Variants in FSHR observed in about 807,000 individuals in gnomAD.
FSHR encodes follicle-stimulating hormone receptor.
FSHR carries 46 observed loss-of-function variants against 52.1 expected under a neutral mutation model. That is an observed-to-expected ratio of 0.88 (90% CI 0.70 to 1.13). FSHR has a LOEUF of 1.13. FSHR is among the 50% of genes most tolerant of loss of function. The probability of loss-of-function intolerance (pLI) is 0.00; values close to 1 mark genes in which losing one functional copy is unlikely to be tolerated. For synonymous variants in FSHR, 399 were observed against 309.6 expected, an observed-to-expected ratio of 1.29 and a Z score of -3.03; for missense variants, 964 against 834.6, an observed-to-expected ratio of 1.16 and a Z score of -1.91.
chr2:49,090,024 G>A (rs1266389921), intron 1 of FSHR, among the ~76,000 whole-genome samples: 1 of 152,106 alleles, frequency 6.6e-6, no homozygotes, highest in Non-Finnish European at 1.5e-5. Flanking sequence ...TCATGTACAG[G>A]CATTTTCCAG....
intron 1 of FSHR, among the ~76,000 whole-genome samples, chr2:49,095,738 C>T (rs775703145): frequency 6.6e-6 from 1 of 152,056 alleles, no homozygotes; most frequent in Non-Finnish European, 1.5e-5. Context: ...GGTCTTTTAT[C>T]AAGAATATAT....
chr2:49,076,937 G>T (rs1410182361), intron 1 of FSHR, among the ~76,000 whole-genome samples: 1 of 152,132 alleles, frequency 6.6e-6, no homozygotes, highest in Non-Finnish European at 1.5e-5. Context: ...ATGATCTTGG[G>T]CAGCTCTGCC....
At chr2:49,005,321 A>G (rs944030680) in intron 4 of FSHR, among the ~76,000 whole-genome samples, 3 of 152,134 alleles carry the variant, frequency 2.0e-5, no homozygotes, top group African/African-American at 7.2e-5. Flanking sequence ...CTGGAAGGAA[A>G]AGCTGGCCAC....
At chr2:49,021,996 A>T (rs1667742299) in intron 2 of FSHR, among the ~76,000 whole-genome samples, 1 of 149,702 alleles carries the variant, frequency 6.7e-6, no homozygotes, top group Non-Finnish European at 1.5e-5. Flanking sequence ...TCTGAGAGGT[A>T]CAGAATTGAG....
chr2:49,112,078 C>A (rs1252981027), intron 1 of FSHR, among the ~76,000 whole-genome samples: 1 of 152,156 alleles, frequency 6.6e-6, no homozygotes, highest in African/African-American at 2.4e-5. Flanking sequence ...CATGGTGTCA[C>A]TTCTTATGGA....
chr2:48,964,887 T>G (rs557224426), intron 9 of FSHR, among the ~76,000 whole-genome samples: 1 of 151,888 alleles, frequency 6.6e-6, no homozygotes, highest in Admixed American at 6.6e-5. Flanking sequence ...TACCCCAGAG[T>G]AGTATATCAA....
chr2:49,014,523 C>A (rs1667410948), intron 4 of FSHR, among the ~76,000 whole-genome samples: 1 of 152,074 alleles, frequency 6.6e-6, no homozygotes. Flanking sequence ...TTTCCATGCC[C>A]ACATCCTTAC....
At chr2:49,053,867 A>G (rs772279977) in intron 2 of FSHR, among the ~76,000 whole-genome samples, 11 of 152,198 alleles carry the variant, frequency 7.2e-5, no homozygotes, top group Non-Finnish European at 1.5e-4. Flanking sequence ...ATGTTGTTTC[A>G]GATACTGAGA....
chr2:49,154,265 C>T lies in FSHR; in HGVS notation c.152+1G>A. 2 of 1,613,646 alleles carry T rather than the reference C, an allele frequency of 1.2e-6. No homozygotes were observed. Among genetic ancestry groups the T allele is most frequent in the East Asian group, 2.2e-5 (1 of 44,870 alleles). ...TTGTTCCCCCTCCCTCTGATACTCACAGTTCAATGGCATTCCTCGGGAGGT... is the reference window on the plus strand; with the variant it reads ...TTGTTCCCCCTCCCTCTGATACTCATAGTTCAATGGCATTCCTCGGGAGGT... On this transcript the variant is annotated splice_donor_variant, in intron 1 of 9. Coordinates refer to ENST00000406846, the MANE Select transcript of FSHR (RefSeq NM_000145.4). LOFTEE classifies it high-confidence loss of function.
At position 49,143,511 on chromosome 2, in the gene FSHR, T is replaced by C. The variant is rs539678693; in HGVS notation, c.152+10755A>G. On this transcript the variant is annotated intron_variant, in intron 1 of 9. Transcript: ENST00000406846. ...GTGGAACTATGGAGACAGAGCCAGATTGAGTGGGTGAATAATGAATGGGAA... is the reference window on the plus strand; with the variant it reads ...GTGGAACTATGGAGACAGAGCCAGACTGAGTGGGTGAATAATGAATGGGAA... 3.3e-5 allele frequency among the ~76,000 whole-genome samples: 5 copies of C among 152,166 alleles called. No individual in the cohort carries two copies. In the South Asian group the frequency reaches 1.0e-3, roughly 32 times the overall value.
At chr2:48,990,311 C>G (rs1675709958) in intron 5 of FSHR, among the ~76,000 whole-genome samples, 1 of 152,080 alleles carries the variant, frequency 6.6e-6, no homozygotes, top group African/African-American at 2.4e-5. Flanking sequence ...AAAAATGAGC[C>G]ACTTTTTGAT....
intron 1 of FSHR, among the ~76,000 whole-genome samples, chr2:49,152,399 C>CT (rs1673095397): frequency 6.6e-6 from 1 of 152,228 alleles, no homozygotes; most frequent in Non-Finnish European, 1.5e-5. Context: ...CTTAGCATTA[C>CT]TTTTTTTCAA....
intron 2 of FSHR, among the ~76,000 whole-genome samples, chr2:49,063,815 G>A (rs1669404373): frequency 6.6e-6 from 1 of 152,058 alleles, no homozygotes; most frequent in East Asian, 1.9e-4. Context: ...ATATGTAGAA[G>A]AGCAGATTTT....
chr2:49,113,286 C>T (rs1032325242), intron 1 of FSHR, among the ~76,000 whole-genome samples: 1 of 152,212 alleles, frequency 6.6e-6, no homozygotes, highest in Admixed American at 6.5e-5. Context: ...GATTGGAAAT[C>T]TCTGGCAGAT....
At chr2:49,077,351 T>C (rs977533573) in intron 1 of FSHR, among the ~76,000 whole-genome samples, 7 of 152,224 alleles carry the variant, frequency 4.6e-5, no homozygotes, top group Admixed American at 1.3e-4. Context: ...TTGGCTCCTT[T>C]CAGCCACAGC....
At chr2:49,011,636 A>G (rs1373901089) in intron 4 of FSHR, among the ~76,000 whole-genome samples, 1 of 152,090 alleles carries the variant, frequency 6.6e-6, no homozygotes, top group Non-Finnish European at 1.5e-5. Flanking sequence ...AACTCGATGA[A>G]CACAACTCGG....
intron 1 of FSHR, among the ~76,000 whole-genome samples, chr2:49,141,342 G>C (rs1672680789): frequency 6.6e-6 from 1 of 152,088 alleles, no homozygotes; most frequent in Non-Finnish European, 1.5e-5. Flanking sequence ...GGCTCTACAG[G>C]AAGTGTGTGG....
intron 8 of FSHR, among the ~76,000 whole-genome samples, chr2:48,979,300 G>T (rs1160168330): frequency 2.6e-5 from 4 of 152,210 alleles, no homozygotes; most frequent in South Asian, 4.1e-4. Context: ...AAATGGCCAG[G>T]TGTGGTGGTG....
At chr2:49,005,020 T>A (rs1667029964) in intron 4 of FSHR, among the ~76,000 whole-genome samples, 1 of 152,080 alleles carries the variant, frequency 6.6e-6, no homozygotes, top group Admixed American at 6.6e-5. Flanking sequence ...TACCAACTCT[T>A]GAGTTTAGCA....
Sources: allele counts gnomAD v4.1 joint callset (sites outside exome capture counted in the v4.1 genomes callset), GRCh38; gene constraint gnomAD v4.1.1; transcripts MANE v1.5; gene names NCBI Gene and HGNC (gene_info 2026-07-23, HGNC 2026-07-21).